The following NXPH1 variants were observed in gnomAD, a reference collection of about 807,000 sequenced individuals.
NXPH1 encodes the protein neurexophilin-1.
Under a neutral mutation model 23.7 loss-of-function variants are expected in NXPH1, and 5 were observed. The ratio of observed to expected loss-of-function variants is 0.21; its 90% CI spans 0.11 to 0.44. The LOEUF (loss-of-function observed/expected upper bound fraction) is 0.44. Ranked by LOEUF, NXPH1 falls within the 20% of genes least tolerant of loss-of-function variation. The pLI is 0.99. For missense variants in NXPH1, 324 were observed against 321.6 expected (o/e 1.01, Z -0.06); for synonymous variants, 144 against 122.2 (o/e 1.18, Z -1.18).
At chr7:8,525,997 G>T (rs946655803) in intron 2 of NXPH1, among the ~76,000 whole-genome samples, 4 of 112,352 alleles carry the variant, frequency 3.6e-5, no homozygotes, top group Non-Finnish European at 5.8e-5. Context: ...ACCCCAGAAT[G>T]GTAGTTCACC....
chr7:8,585,300 G>A (rs542644590), intron 2 of NXPH1, among the ~76,000 whole-genome samples: 1 of 152,230 alleles, frequency 6.6e-6, no homozygotes, highest in Non-Finnish European at 1.5e-5. Context: ...CTGCCTGTGG[G>A]GTCCAAATGA....
intron 2 of NXPH1, among the ~76,000 whole-genome samples, chr7:8,695,426 T>C (rs1821292776): frequency 6.6e-6 from 1 of 152,070 alleles, no homozygotes; most frequent in Non-Finnish European, 1.5e-5. Context: ...AGTTATTATG[T>C]TTTTTTTCCT....
chr7:8,641,262 ACCT>A (rs1820304800), intron 2 of NXPH1, among the ~76,000 whole-genome samples: 1 of 152,230 alleles, frequency 6.6e-6, no homozygotes, highest in Non-Finnish European at 1.5e-5. Flanking sequence ...TCAAAGTAAT[ACCT>A]GTGCACAGTT....
intron 2 of NXPH1, among the ~76,000 whole-genome samples, chr7:8,582,198 G>T (rs752482555): frequency 8.5e-5 from 13 of 152,198 alleles, no homozygotes; most frequent in Non-Finnish European, 1.6e-4. Flanking sequence ...GCTTGTAGAT[G>T]CCGGGAATCA....
chr7:8,618,114 A>G (rs1236235660), intron 2 of NXPH1, among the ~76,000 whole-genome samples: 1 of 152,118 alleles, frequency 6.6e-6, no homozygotes, highest in Non-Finnish European at 1.5e-5. Context: ...TTCTGCCCAT[A>G]AGGAATTATG....
In NXPH1 at chr7:8,719,399, C is replaced by A. The variant is rs149828253; in HGVS notation, c.55-31609C>A. Reference sequence around the variant, plus strand: ...TCTCTGGAACTCTAATGGGATGCTCCATAAAGCATAGATCAAAAATATTAT... The same window carrying A: ...TCTCTGGAACTCTAATGGGATGCTCAATAAAGCATAGATCAAAAATATTAT... On this transcript the variant is annotated intron_variant, in intron 2 of 2. Coordinates refer to ENST00000405863, the MANE Select transcript of NXPH1 (RefSeq NM_152745.3). Among the ~76,000 whole-genome samples, 824 of 152,190 alleles carry A rather than the reference C, an allele frequency of 5.4e-3. 8 individuals are homozygous for A. The highest frequency in any genetic ancestry group is 0.018 in the African/African-American group (764 of 41,516).
At chr7:8,582,017 C>G (rs1818885630) in intron 2 of NXPH1, among the ~76,000 whole-genome samples, 1 of 152,168 alleles carries the variant, frequency 6.6e-6, no homozygotes, top group African/African-American at 2.4e-5. Flanking sequence ...AGTGCTGGGT[C>G]TGGCGTCTGC....
intron 2 of NXPH1, among the ~76,000 whole-genome samples, chr7:8,446,090 C>G (rs1324265264): frequency 6.6e-6 from 1 of 152,092 alleles, no homozygotes; most frequent in Non-Finnish European, 1.5e-5. Context: ...ACTTGTGAAG[C>G]CCTTGTAAAA....
intron 2 of NXPH1, among the ~76,000 whole-genome samples, chr7:8,693,935 G>T (rs549794507): frequency 2.6e-5 from 4 of 152,034 alleles, no homozygotes; most frequent in Non-Finnish European, 5.9e-5. Context: ...CCCACTTATG[G>T]TTTCTATTAC....
chr7:8,611,377 C>A (rs1057396735), intron 2 of NXPH1, among the ~76,000 whole-genome samples: 1 of 152,046 alleles, frequency 6.6e-6, no homozygotes, highest in African/African-American at 2.4e-5. Context: ...AAAATACTTG[C>A]GTTACATGGT....
At chr7:8,555,880 C>G (rs756274793) in intron 2 of NXPH1, among the ~76,000 whole-genome samples, 1 of 151,714 alleles carries the variant, frequency 6.6e-6, no homozygotes, top group Non-Finnish European at 1.5e-5. Context: ...CATATCTAAG[C>G]TTCTCCTGTC....
intron 2 of NXPH1, among the ~76,000 whole-genome samples, chr7:8,709,452 C>G (rs1301342874): frequency 6.6e-6 from 1 of 152,034 alleles, no homozygotes; most frequent in Non-Finnish European, 1.5e-5. Context: ...CATTGCAAAC[C>G]TACTCTTTCC....
chr7:8,661,423 G>C (rs1165964499), intron 2 of NXPH1, among the ~76,000 whole-genome samples: 1 of 152,094 alleles, frequency 6.6e-6, no homozygotes, highest in African/African-American at 2.4e-5. Context: ...TGCCTAGAAA[G>C]CTTGTCCGAC....
Position 8,743,489 on chromosome 7 carries a change from G to A in NXPH1, c.55-7519G>A, listed in dbSNP as rs905531120. ...CACGTACAGCCAGAATAGTTGAAGT[G>A]GGAGTGAAGTCGAGAAGTGGTTTAT... On this transcript the variant is annotated intron_variant, in intron 2 of 2. Coordinates refer to ENST00000405863, the MANE Select transcript of NXPH1 (RefSeq NM_152745.3). Among the ~76,000 whole-genome samples the A allele has an allele frequency of 3.9e-5, 6 of 152,192 alleles. No homozygotes were observed. In the South Asian group the frequency reaches 6.2e-4, roughly 16 times the overall value.
At chr7:8,460,680 T>C (rs1816678435) in intron 2 of NXPH1, among the ~76,000 whole-genome samples, 1 of 152,228 alleles carries the variant, frequency 6.6e-6, no homozygotes, top group Non-Finnish European at 1.5e-5. Context: ...TGAATGGTTA[T>C]TGCACTCCAG....
At chr7:8,604,138 T>A (rs1819424798) in intron 2 of NXPH1, among the ~76,000 whole-genome samples, 1 of 152,132 alleles carries the variant, frequency 6.6e-6, no homozygotes, top group South Asian at 2.1e-4. Flanking sequence ...CCCTTAATGT[T>A]GGTGGCATTT....
At chr7:8,640,171 T>G (rs781115596) in intron 2 of NXPH1, among the ~76,000 whole-genome samples, 7 of 152,176 alleles carry the variant, frequency 4.6e-5, no homozygotes, top group Non-Finnish European at 8.8e-5. Flanking sequence ...GTGTACATCT[T>G]TTTCTGTAAG....
intron 2 of NXPH1, among the ~76,000 whole-genome samples, chr7:8,716,673 T>C (rs950674260): frequency 1.3e-5 from 2 of 152,116 alleles, no homozygotes; most frequent in African/African-American, 4.8e-5. Context: ...AAAAGGGTAT[T>C]ACTGGGATAT....
chr7:8,518,405 C>A (rs992725692), intron 2 of NXPH1, among the ~76,000 whole-genome samples: 7 of 152,050 alleles, frequency 4.6e-5, no homozygotes, highest in Admixed American at 4.6e-4. Flanking sequence ...ATATACCTAA[C>A]ACATAAAATT....
Sources: gnomAD v4.1 joint callset for allele counts (sites outside exome capture counted in the v4.1 genomes callset) on GRCh38, gnomAD v4.1.1 for gene constraint, MANE v1.5 for transcripts, NCBI Gene and HGNC (gene_info 2026-07-23, HGNC 2026-07-21) for gene names.